Variants in BTBD7 observed in about 807,000 individuals in gnomAD.
BTBD7 encodes the protein BTB/POZ domain-containing protein 7.
Under a neutral mutation model 99.9 loss-of-function variants are expected in BTBD7, and 38 were observed. The ratio of observed to expected loss-of-function variants is 0.38; its 90% CI spans 0.29 to 0.50. The LOEUF (loss-of-function observed/expected upper bound fraction) is 0.50. Ranked by LOEUF, BTBD7 falls within the 20% of genes least tolerant of loss-of-function variation. The pLI, the probability that BTBD7 is intolerant of heterozygous loss-of-function variation, is 0.93. For synonymous variants in BTBD7, 520 were observed against 511.4 expected, an observed-to-expected ratio of 1.02 and a Z score of -0.23; for missense variants, 1,170 against 1,394.6, an observed-to-expected ratio of 0.84 and a Z score of 2.57.
At chr14:93,311,194 AT>A (rs772870362) in intron 1 of BTBD7, among the ~76,000 whole-genome samples, 25 of 152,210 alleles carry the variant, frequency 1.6e-4, no homozygotes, top group Non-Finnish European at 3.4e-4. Context: ...AGTTATTCTT[AT>A]TGAAGTTCAA....
At chr14:93,308,085 G>A (rs2053091680) in intron 1 of BTBD7, among the ~76,000 whole-genome samples, 1 of 152,130 alleles carries the variant, frequency 6.6e-6, no homozygotes, top group Non-Finnish European at 1.5e-5. Flanking sequence ...ATGAGGTCAG[G>A]AGATCGAGAC....
rs1034076606 is a variant in BTBD7 at position 93,328,626 on chromosome 14, A to T, written c.-107+4194T>A. Among the ~76,000 whole-genome samples the T allele has an allele frequency of 1.2e-4, 16 of 128,434 alleles. 1 individual carries two copies. The highest frequency in any genetic ancestry group is 2.8e-4 in the Admixed American group (4 of 14,138). 84.3% of individuals were successfully genotyped at this position (128,434 alleles called of 152,430 possible). A position where few individuals can be genotyped will look rare whatever the true frequency, so the allele number is the denominator to read the frequency against. ...TAAAATTCTTTAAAAAAAAAAAAAAAAAAAAAAAAAGGCTGGGCACAGTGG... is the reference window on the plus strand; with the variant it reads ...TAAAATTCTTTAAAAAAAAAAAAAATAAAAAAAAAAGGCTGGGCACAGTGG... On this transcript the variant is annotated intron_variant, in intron 1 of 10. Coordinates refer to ENST00000334746, the MANE Select transcript of BTBD7 (RefSeq NM_001002860.4).
At chr14:93,300,947 A>C (rs1225520312) in intron 1 of BTBD7, among the ~76,000 whole-genome samples, 3 of 151,956 alleles carry the variant, frequency 2.0e-5, no homozygotes, top group Non-Finnish European at 4.4e-5. Context: ...GTTAATCTAC[A>C]GAGGGGAAAA....
At chr14:93,245,011 T>C (rs1446820240) in intron 10 of BTBD7, among the ~76,000 whole-genome samples, 1 of 151,886 alleles carries the variant, frequency 6.6e-6, no homozygotes, top group Non-Finnish European at 1.5e-5. Context: ...AGGCACGTGC[T>C]ACCACACTTA....
intron 3 of BTBD7, among the ~76,000 whole-genome samples, chr14:93,282,534 T>C (rs1195155818): frequency 6.6e-6 from 1 of 152,134 alleles, no homozygotes; most frequent in Non-Finnish European, 1.5e-5. Context: ...GGTTTCACAA[T>C]GTTGGGCAGG....
At chr14:93,265,100 CAAATAAAATA>C (rs959182303) in intron 3 of BTBD7, among the ~76,000 whole-genome samples, 1 of 152,038 alleles carries the variant, frequency 6.6e-6, no homozygotes, top group African/African-American at 2.4e-5. Context: ...GACTCCGTCT[CAAATAAAATA>C]AAATAAAATA....
intron 1 of BTBD7, among the ~76,000 whole-genome samples, chr14:93,331,325 T>C (rs1029490737): frequency 6.6e-6 from 1 of 152,148 alleles, no homozygotes; most frequent in Non-Finnish European, 1.5e-5. Flanking sequence ...TTAGTTTTGG[T>C]CTAATCCATC....
rs2052796690 is a variant in BTBD7 at position 93,287,692 on chromosome 14, C to CT, written c.1162+6165dup. 2.6e-5 allele frequency: 4 copies of CT among 152,114 alleles called. No homozygotes were observed. In the South Asian group the frequency reaches 8.3e-4, roughly 31 times the overall value. The allele number at this position is 152,114 out of a possible 1,614,324, so 9.4% of individuals were successfully genotyped here. A position where few individuals can be genotyped will look rare whatever the true frequency, so the allele number is the denominator to read the frequency against. ...GTAATTGATTTCTTCCGAGACACCTCTTTCCTTGGAGACTTTCACCCTCCC... is the reference window on the plus strand; with the variant it reads ...GTAATTGATTTCTTCCGAGACACCTCTTTTCCTTGGAGACTTTCACCCTCCC... On this transcript the variant is annotated intron_variant, in intron 3 of 10. Transcript: ENST00000334746.
chr14:93,293,925 G>C lies in BTBD7; in HGVS notation c.1095C>G (p.Thr365=). 1 of 1,613,722 alleles carries C rather than the reference G, an allele frequency of 6.2e-7. No individual in the cohort carries two copies. Among genetic ancestry groups the C allele is most frequent in the African/African-American group, 1.3e-5 (1 of 75,028 alleles). Residue 365 remains threonine, a synonymous_variant, in exon 3 of 11, where the codon ACC becomes ACG. Transcript: ENST00000334746. ...AAAGTTCCATGGCTTCTTCTGCCCT[G>C]GTCATGTTTGGCTTCCCTGCGACGA... The part of the protein sequence containing the change: ...QALVAGKPNM[T]RAEEAMELYH...
chr14:93,322,040 T>C (rs915493406), intron 1 of BTBD7, among the ~76,000 whole-genome samples: 3 of 152,186 alleles, frequency 2.0e-5, no homozygotes, highest in African/African-American at 7.2e-5. Context: ...AGTGGCAAGA[T>C]ATGAGCCATA....
intron 3 of BTBD7, among the ~76,000 whole-genome samples, chr14:93,272,842 CAGG>C (rs35737903): frequency 0.17 from 25,393 of 152,048 alleles, 2,325 homozygotes; most frequent in East Asian, 0.31. Flanking sequence ...TACTATTTCT[CAGG>C]AGGACAATTC....
chr14:93,270,476 C>T (rs186645583), intron 3 of BTBD7, among the ~76,000 whole-genome samples: 51 of 151,794 alleles, frequency 3.4e-4, no homozygotes, highest in South Asian at 2.3e-3. Context: ...GTAGATTACC[C>T]GAGGTCAGGA....
chr14:93,281,681 T>A (rs1229227155), intron 3 of BTBD7, among the ~76,000 whole-genome samples: 1 of 152,202 alleles, frequency 6.6e-6, no homozygotes, highest in Admixed American at 6.5e-5. Context: ...CAGAATAAGA[T>A]AGCACGTTAA....
At chr14:93,271,461 C>T (rs528743242) in intron 3 of BTBD7, among the ~76,000 whole-genome samples, 7 of 152,202 alleles carry the variant, frequency 4.6e-5, no homozygotes, top group East Asian at 1.9e-4. Flanking sequence ...AGAGGAGGGC[C>T]GGCCTTAGAC....
Position 93,258,423 on chromosome 14 carries a change from T to TA in BTBD7, c.1448-1069dup, listed in dbSNP as rs527494137. On this transcript the variant is annotated intron_variant, in intron 5 of 10. Coordinates refer to ENST00000334746, the MANE Select transcript of BTBD7 (RefSeq NM_001002860.4). ...AAAGTAGTGACATCCTGTTTTCATATAAAATCTTACATGAAACCCCCAAAT... is the reference window on the plus strand; with the variant it reads ...AAAGTAGTGACATCCTGTTTTCATATAAAAATCTTACATGAAACCCCCAAAT... 6.7e-4 allele frequency among the ~76,000 whole-genome samples: 102 copies of TA among 152,264 alleles called. 2 individuals carry two copies. In the South Asian group the frequency reaches 0.021, roughly 31 times the overall value.
chr14:93,245,676 C>G, intron 10 of BTBD7, 149 bp downstream of exon 10: 1 of 1,418,266 alleles, frequency 7.1e-7, no homozygotes, highest in Non-Finnish European at 9.4e-7. Context: ...GTTTTTCCCT[C>G]TTTTCCATAC....
intron 9 of BTBD7, among the ~76,000 whole-genome samples, chr14:93,247,438 C>T (rs766654176): frequency 1.3e-5 from 2 of 152,184 alleles, no homozygotes; most frequent in African/African-American, 4.8e-5. Context: ...AACTCGGCCT[C>T]CCAGGTTCAA....
chr14:93,308,620 T>C (rs1160868858), intron 1 of BTBD7, among the ~76,000 whole-genome samples: 1 of 152,070 alleles, frequency 6.6e-6, no homozygotes, highest in South Asian at 2.1e-4. Flanking sequence ...CACAGATAGA[T>C]GAATGGGAAA....
In BTBD7 at chr14:93,242,725, C is replaced by G. The variant is rs147201730; in HGVS notation, c.2947G>C (p.Ala983Pro). Residue 983 changes from alanine to proline, a missense_variant, in exon 11 of 11, where the codon GCA becomes CCA. Around this residue, in one of 4 missense-constraint regions of BTBD7, gnomAD observed 495 missense variants for 525.9 expected, o/e 0.94. Transcript: ENST00000334746. ...FGPDLYSHNK[A>P]SPSGLKSAYL... ...GCTGACTTTAAGCCACTTGGTGATG[C>G]CTTATTGTGGCTGTACAGATCGGGA... 46 of 1,614,080 alleles carry G rather than the reference C, an allele frequency of 2.8e-5. No individual in the cohort carries two copies. In the East Asian group the frequency reaches 6.0e-4, roughly 21 times the overall value.
Sources: gnomAD v4.1 joint callset for allele counts (sites outside exome capture counted in the v4.1 genomes callset) on GRCh38, gnomAD v4.1.1 for gene constraint, gnomAD v4.1.1 regional missense constraint, MANE v1.5 for transcripts, NCBI Gene and HGNC (gene_info 2026-07-23, HGNC 2026-07-21) for gene names.